FHIT: variants seen among roughly 807,000 people sequenced by gnomAD.
The protein encoded by FHIT is bis(5'-adenosyl)-triphosphatase.
A neutral mutation model predicts 17.9 loss-of-function variants in FHIT; 19 were observed. That is an observed-to-expected ratio of 1.06 (90% CI 0.74 to 1.56). FHIT has a LOEUF of 1.56. Among genes scored for constraint, FHIT ranks in the 40% most tolerant of loss-of-function variants. The pLI is 0.00. For synonymous variants in FHIT, 81 were observed against 69.7 expected, an observed-to-expected ratio of 1.16 and a Z score of -0.81; for missense variants, 248 against 189.2, an observed-to-expected ratio of 1.31 and a Z score of -1.82.
At chr3:60,267,479 T>A (rs1197823187) in intron 5 of FHIT, among the ~76,000 whole-genome samples, 1 of 152,140 alleles carries the variant, frequency 6.6e-6, no homozygotes, top group South Asian at 2.1e-4. Flanking sequence ...CAAAAATATT[T>A]TAAATTACTC....
intron 4 of FHIT, among the ~76,000 whole-genome samples, chr3:60,779,096 G>T (rs1477691542): frequency 1.3e-5 from 2 of 152,112 alleles, no homozygotes; most frequent in African/African-American, 4.8e-5. Context: ...AATCCAAAAA[G>T]CCTATGTAGA....
chr3:60,139,396 GC>G lies in FHIT; in HGVS notation c.104-125245del, dbSNP rs1699941053. Among the ~76,000 whole-genome samples, 2 of 250 alleles carry G rather than the reference GC, an allele frequency of 8.0e-3. 1 individual carries two copies. The allele number at this position is 250 out of a possible 152,430, so 0.2% of individuals were successfully genotyped here. On this transcript the variant is annotated intron_variant, in intron 5 of 9. Transcript: ENST00000492590. Reference sequence around the variant, plus strand: ...TAACCAGAGAACTAAAAAGGGTTTAGCACCCACTAAGTGAAGAGTGCATTTG... The same window carrying G: ...TAACCAGAGAACTAAAAAGGGTTTAGACCCACTAAGTGAAGAGTGCATTTG...
chr3:60,571,984 C>T lies in FHIT; in HGVS notation c.-17-35005G>A, dbSNP rs552779952. On this transcript the variant is annotated intron_variant, in intron 4 of 9. Transcript: ENST00000492590. ...TCATTGCTTTTTATTTATAAAATGACGGCTTGGATCAAGGTAGTGTTTCCC... is the reference window on the plus strand; with the variant it reads ...TCATTGCTTTTTATTTATAAAATGATGGCTTGGATCAAGGTAGTGTTTCCC... Among the ~76,000 whole-genome samples, 195 of 152,210 alleles carry T rather than the reference C, an allele frequency of 1.3e-3. 1 individual carries two copies. The highest frequency in any genetic ancestry group is 2.0e-3 in the African/African-American group (85 of 41,532).
At chr3:61,015,840 A>G (rs2032077133) in intron 3 of FHIT, among the ~76,000 whole-genome samples, 1 of 152,182 alleles carries the variant, frequency 6.6e-6, no homozygotes, top group Admixed American at 6.5e-5. Context: ...AAAGCAAGGA[A>G]AAAAAGCCAG....
At chr3:60,593,083 C>G (rs1553664957) in intron 4 of FHIT, among the ~76,000 whole-genome samples, 2 of 152,104 alleles carry the variant, frequency 1.3e-5, no homozygotes, top group African/African-American at 4.8e-5. Context: ...TCTCCAACAT[C>G]TAGGGGGAAA....
intron 5 of FHIT, among the ~76,000 whole-genome samples, chr3:60,335,276 T>TA (rs937587457): frequency 1.6e-4 from 25 of 152,158 alleles, no homozygotes; most frequent in African/African-American, 5.8e-4. Flanking sequence ...TGCCACAACT[T>TA]AAAAAAAACT....
intron 4 of FHIT, among the ~76,000 whole-genome samples, chr3:60,710,101 C>T (rs1047480477): frequency 6.5e-5 from 9 of 138,718 alleles, no homozygotes; most frequent in African/African-American, 2.4e-4. Context: ...AAAAACTCAA[C>T]AATCAAAATG....
intron 5 of FHIT, among the ~76,000 whole-genome samples, chr3:60,316,103 A>AATAGCATTG (rs1709153710): frequency 6.6e-6 from 1 of 152,182 alleles, no homozygotes; most frequent in Admixed American, 6.6e-5. Context: ...CAACCTCTAA[A>AATAGCATTG]ATAGCATTGT....
chr3:60,932,097 C>T (rs1553771940), intron 3 of FHIT, among the ~76,000 whole-genome samples: 1 of 152,142 alleles, frequency 6.6e-6, no homozygotes, highest in African/African-American at 2.4e-5. Flanking sequence ...AAATGGACAA[C>T]ATGGTAAGAA....
At chr3:61,240,915 C>G (rs2040358376) in intron 1 of FHIT, among the ~76,000 whole-genome samples, 1 of 152,192 alleles carries the variant, frequency 6.6e-6, no homozygotes, top group Non-Finnish European at 1.5e-5. Flanking sequence ...TCTGACTACT[C>G]ATCTATGTAA....
chr3:59,876,796 A>G (rs1478907352), intron 8 of FHIT, among the ~76,000 whole-genome samples: 2 of 152,138 alleles, frequency 1.3e-5, no homozygotes, highest in African/African-American at 4.8e-5. Context: ...CGTAACTCCA[A>G]TTTTGAGAGG....
At chr3:61,084,497 C>T (rs1422571640) in intron 2 of FHIT, among the ~76,000 whole-genome samples, 2 of 152,128 alleles carry the variant, frequency 1.3e-5, no homozygotes, top group Non-Finnish European at 2.9e-5. Flanking sequence ...CCTATTGAGT[C>T]ACCAATTCAT....
At chr3:60,561,201 T>A (rs1405786039) in intron 4 of FHIT, among the ~76,000 whole-genome samples, 1 of 151,890 alleles carries the variant, frequency 6.6e-6, no homozygotes, top group Non-Finnish European at 1.5e-5. Context: ...AAATTACACA[T>A]CAAATTACCA....
At chr3:60,183,338 C>T (rs1258173355) in intron 5 of FHIT, among the ~76,000 whole-genome samples, 2 of 152,146 alleles carry the variant, frequency 1.3e-5, no homozygotes, top group South Asian at 2.1e-4. Context: ...GCAGAGGTTG[C>T]AGTGAGCTGA....
chr3:60,023,194 G>T (rs1353739111), intron 5 of FHIT, among the ~76,000 whole-genome samples: 1 of 152,208 alleles, frequency 6.6e-6, no homozygotes, highest in Non-Finnish European at 1.5e-5. Context: ...TTAAACTTCA[G>T]ATACACTTTG....
intron 5 of FHIT, among the ~76,000 whole-genome samples, chr3:60,128,525 G>A (rs1699362783): frequency 6.6e-6 from 1 of 152,202 alleles, no homozygotes; most frequent in Non-Finnish European, 1.5e-5. Context: ...TTAGCAGCAT[G>A]AAAATGGACT....
At chr3:60,895,665 C>CCTTCCTTT (rs1351920997) in intron 3 of FHIT, among the ~76,000 whole-genome samples, 113 of 107,012 alleles carry the variant, frequency 1.1e-3, no homozygotes, top group Middle Eastern at 4.6e-3. Context: ...TTCCTTCCTT[C>CCTTCCTTT]CTTTCTTTCT....
At chr3:60,527,300 T>C (rs1256640462) in intron 5 of FHIT, among the ~76,000 whole-genome samples, 1 of 152,238 alleles carries the variant, frequency 6.6e-6, no homozygotes, top group African/African-American at 2.4e-5. Context: ...TGATTTATTT[T>C]TATCTTGACA....
intron 4 of FHIT, among the ~76,000 whole-genome samples, chr3:60,675,804 G>A (rs1277691058): frequency 6.6e-6 from 1 of 152,160 alleles, no homozygotes; most frequent in African/African-American, 2.4e-5. Flanking sequence ...GAATAAAGGT[G>A]CAATCACAGC....
Sources: gnomAD v4.1 joint callset for allele counts (sites outside exome capture counted in the v4.1 genomes callset) on GRCh38, gnomAD v4.1.1 for gene constraint, MANE v1.5 for transcripts, NCBI Gene and HGNC (gene_info 2026-07-23, HGNC 2026-07-21) for gene names.